Variants in AGAP3 observed in about 807,000 individuals in gnomAD.
AGAP3 encodes the protein ArfGAP with GTPase domain, ankyrin repeat and PH domain 3.
Under a neutral mutation model 96.9 loss-of-function variants are expected in AGAP3, and 24 were observed. That is an observed-to-expected ratio of 0.25 (90% CI 0.18 to 0.35). AGAP3 has a LOEUF of 0.35. AGAP3 is among the 10% of genes least tolerant of loss of function. The pLI is 1.00. For synonymous variants in AGAP3, 563 were observed against 536.1 expected (o/e 1.05, Z -0.69); for missense variants, 876 against 1,254.2 (o/e 0.70, Z 4.55).
chr7:151,123,640 G>T, intron 8 of AGAP3, 154 bp from the exon 9 acceptor site: 2 of 1,480,762 alleles, frequency 1.4e-6, no homozygotes, highest in Non-Finnish European at 1.8e-6. Flanking sequence ...TGGAATACTC[G>T]TGGTCTCAGT....
intron 9 of AGAP3, among the ~76,000 whole-genome samples, chr7:151,126,378 G>T (rs1404853986): frequency 6.6e-6 from 1 of 151,474 alleles, no homozygotes; most frequent in East Asian, 1.9e-4. Flanking sequence ...AGCGGAGCGG[G>T]GCGGGGCGGG....
chr7:151,104,761 G>A (rs975537203), intron 1 of AGAP3, among the ~76,000 whole-genome samples: 8 of 152,250 alleles, frequency 5.3e-5, no homozygotes, highest in African/African-American at 1.9e-4. Flanking sequence ...CATGCCTCGG[G>A]AAGAACACAC....
chr7:151,115,652 G>C (rs10272090), intron 1 of AGAP3: 371,846 of 1,160,732 alleles, frequency 0.32, 61,871 homozygotes, highest in African/African-American at 0.56. Flanking sequence ...GTAAGGGGGC[G>C]GGCCTGGGGG....
chr7:151,142,783 T>A lies in AGAP3; in HGVS notation c.2273+149T>A, dbSNP rs1280557230. 1 of 831,098 alleles carries A rather than the reference T, an allele frequency of 1.2e-6. No individual in the cohort carries two copies. The highest frequency in any genetic ancestry group is 1.8e-6 in the Non-Finnish European group (1 of 542,030). 51.5% of individuals were successfully genotyped at this position (831,098 alleles called of 1,614,324 possible). A position where few individuals can be genotyped will look rare whatever the true frequency, so the allele number is the denominator to read the frequency against. ...GCAGTTGGCCCCTTGGGGGTGCCCC[T>A]CCTGCTCTGGTGCCTGTCACTCAGG... On this transcript the variant is annotated intron_variant, in intron 16 of 17. Coordinates refer to ENST00000397238, the MANE Select transcript of AGAP3 (RefSeq NM_031946.7). The surrounding 1 kb of genome is among the most constrained non-coding windows in gnomAD (Gnocchi z 7.5).
At chr7:151,102,598 CAAA>C (rs35708283) in intron 1 of AGAP3, among the ~76,000 whole-genome samples, 2 of 123,176 alleles carry the variant, frequency 1.6e-5, no homozygotes, top group African/African-American at 3.0e-5. Context: ...CTCGTCTCTA[CAAA>C]AAAAAAAAAA....
At chr7:151,125,013 C>T (rs970020002) in intron 9 of AGAP3, among the ~76,000 whole-genome samples, 1 of 152,228 alleles carries the variant, frequency 6.6e-6, no homozygotes, top group Non-Finnish European at 1.5e-5. Context: ...CAGCCAGAGG[C>T]TTCCCTGTTC....
At chr7:151,113,838 C>T (rs1311625456) in intron 1 of AGAP3, among the ~76,000 whole-genome samples, 1 of 152,146 alleles carries the variant, frequency 6.6e-6, no homozygotes, top group African/African-American at 2.4e-5. Flanking sequence ...CCAGGCAGCC[C>T]ACAGTCATGA....
chr7:151,123,765 T>C lies in AGAP3; in HGVS notation c.1129-29T>C, dbSNP rs1205291116. ...CAGCTCTCGGCAGACCCTGGGCCTC[T>C]TTAACACGCCTCTTGTTTTCTCTTC... On this transcript the variant is annotated intron_variant, in intron 8 of 17. Transcript: ENST00000397238. 2.5e-6 allele frequency: 4 copies of C among 1,612,384 alleles called. No individual in the cohort carries two copies. The African/African-American group carries it at 5.3e-5, about 22-fold the overall frequency.
chr7:151,139,095 G>A lies in AGAP3; in HGVS notation c.1666+782G>A, dbSNP rs894411005. 2.0e-5 allele frequency among the ~76,000 whole-genome samples: 3 copies of A among 152,230 alleles called. No individual in the cohort carries two copies. The highest frequency in any genetic ancestry group is 2.9e-5 in the Non-Finnish European group (2 of 68,046). Reference sequence around the variant, plus strand: ...CCAGCTCTCCTCTCCTGTCCCTTGCGCTTTCCATGCCCTTGTCCTGAGTGA... The same window carrying A: ...CCAGCTCTCCTCTCCTGTCCCTTGCACTTTCCATGCCCTTGTCCTGAGTGA... On this transcript the variant is annotated intron_variant, in intron 12 of 17. Transcript: ENST00000397238. This position sits in a 1 kb window ranked among gnomAD's most constrained non-coding sequence, Gnocchi z 4.9.
chr7:151,117,119 G>T lies in AGAP3; in HGVS notation c.415G>T (p.Gly139Trp), dbSNP rs540784828. ...KVGIVGNLSS[G>W]KSALVHRYLT... ...GGGCATAGTGGGGAACCTGTCTAGCGGGAAGTCAGCCCTGGTGCACCGCTA... is the reference window on the plus strand; with the variant it reads ...GGGCATAGTGGGGAACCTGTCTAGCTGGAAGTCAGCCCTGGTGCACCGCTA... Residue 139 changes from glycine (G) to tryptophan (W), a missense_variant, in exon 3 of 18, where the codon GGG becomes TGG. This residue lies in a region of AGAP3 where 131 missense variants were observed against 304.5 expected (regional missense o/e 0.43). Transcript: ENST00000397238. 6.2e-7 allele frequency: 1 copy of T among 1,614,082 alleles called. No individual in the cohort carries two copies. The highest frequency in any genetic ancestry group is 1.1e-5 in the South Asian group (1 of 91,080).
At chr7:151,104,230 G>A (rs1319104383) in intron 1 of AGAP3, among the ~76,000 whole-genome samples, 2 of 152,312 alleles carry the variant, frequency 1.3e-5, no homozygotes, top group African/African-American at 4.8e-5. Context: ...GTATTAGCCA[G>A]TGTTCTGTTA....
Position 151,141,663 on chromosome 7 carries a change from C to G in AGAP3, c.1805-235C>G. 1 of 557,504 alleles carries G rather than the reference C, an allele frequency of 1.8e-6. No homozygotes were observed. The highest frequency in any genetic ancestry group is 3.2e-6 in the Non-Finnish European group (1 of 310,786). The allele number at this position is 557,504 out of a possible 1,614,324, so 34.5% of individuals were successfully genotyped here. On this transcript the variant is annotated intron_variant, in intron 13 of 17. Coordinates refer to ENST00000397238, the MANE Select transcript of AGAP3 (RefSeq NM_031946.7). This position sits in a 1 kb window ranked among gnomAD's most constrained non-coding sequence, Gnocchi z 4.2. The stretch of plus-strand genomic sequence containing the variant: ...AGATCTTGCATCCCCCATCTGTTTT[C>G]ACTTAAGCTCCACAGGTGGTTAGGA...
chr7:151,123,666 C>T (rs959090317), intron 8 of AGAP3, 128 bp from the exon 9 acceptor site: 24 of 1,533,304 alleles, frequency 1.6e-5, no homozygotes, highest in East Asian at 6.9e-5. Context: ...CCCGTCCCGC[C>T]GCCCCGGCCC....
rs182694201 is a variant in AGAP3 at position 151,101,040 on chromosome 7, C to T, written c.331+13968C>T. Among the ~76,000 whole-genome samples the T allele has an allele frequency of 2.1e-3, 320 of 152,292 alleles. 1 individual carries two copies. The highest frequency in any genetic ancestry group is 7.4e-3 in the African/African-American group (308 of 41,554). On this transcript the variant is annotated intron_variant, in intron 1 of 17. Transcript: ENST00000397238. ...CAGGTCCCCCATGGCCTGGAGCAGCCGCCACCTCCCCCGCTGGCACGCGTC... is the reference window on the plus strand; with the variant it reads ...CAGGTCCCCCATGGCCTGGAGCAGCTGCCACCTCCCCCGCTGGCACGCGTC...
In AGAP3 at chr7:151,142,509, C is replaced by T; in HGVS notation, c.2148C>T (p.Ser716=). The T allele has an allele frequency of 1.2e-6, 2 of 1,613,896 alleles. No homozygotes were observed. The highest frequency in any genetic ancestry group is 1.7e-6 in the Non-Finnish European group (2 of 1,180,014). ...HLGAHLSRVR[S]LDLDDWPPEL... ...GGGCTCACCTGTCCCGGGTGCGCTC[C>T]CTTGACCTCGATGACTGGCCGCCTG... Residue 716 remains serine (S), a synonymous_variant, in exon 16 of 18, where the codon TCC becomes TCT. Transcript: ENST00000397238. This position sits in a 1 kb window ranked among gnomAD's most constrained non-coding sequence, Gnocchi z 7.5.
intron 1 of AGAP3, among the ~76,000 whole-genome samples, chr7:151,099,670 G>GGGCCGCT (rs1311010631): frequency 2.6e-5 from 4 of 152,208 alleles, no homozygotes; most frequent in Non-Finnish European, 5.9e-5. Context: ...CACCGGGACC[G>GGGCCGCT]GGCCGCTGGC....
At chr7:151,124,104 C>G (rs2150496795) in intron 9 of AGAP3, among the ~76,000 whole-genome samples, 1 of 152,316 alleles carries the variant, frequency 6.6e-6, no homozygotes, top group Admixed American at 6.5e-5. Flanking sequence ...CCTGTACCTT[C>G]TGATCACCAC....
intron 1 of AGAP3, among the ~76,000 whole-genome samples, chr7:151,100,182 G>T (rs1798781665): frequency 1.3e-5 from 2 of 152,226 alleles, no homozygotes; most frequent in Admixed American, 1.3e-4. Context: ...AACTCCGAGA[G>T]GGTCTTGTGG....
At chr7:151,117,325 G>A in intron 3 of AGAP3, 46 bp from the exon 4 acceptor site, 1 of 1,611,508 alleles carries the variant, frequency 6.2e-7, no homozygotes, top group Non-Finnish European at 8.5e-7. Context: ...CTTGGCCCCT[G>A]GATTCTTTCT....
Sources: gnomAD v4.1 joint callset for allele counts (sites outside exome capture counted in the v4.1 genomes callset) on GRCh38, gnomAD v4.1.1 for gene constraint, gnomAD v4.1.1 regional missense constraint, Gnocchi (gnomAD v3.1) non-coding constraint, MANE v1.5 for transcripts, NCBI Gene and HGNC (gene_info 2026-07-23, HGNC 2026-07-21) for gene names.